The following POLH variants were observed in gnomAD, a reference collection of about 807,000 sequenced individuals.
POLH encodes DNA polymerase eta.
Under a neutral mutation model 73.6 loss-of-function variants are expected in POLH, and 53 were observed. That is an observed-to-expected ratio of 0.72 (90% CI 0.58 to 0.91). The LOEUF (loss-of-function observed/expected upper bound fraction) is 0.91. Ranked by LOEUF, POLH falls within the 40% of genes least tolerant of loss-of-function variation. The pLI is 0.00. For synonymous variants in POLH, 292 were observed against 308.5 expected (o/e 0.95, Z 0.56); for missense variants, 768 against 865.4 (o/e 0.89, Z 1.41).
intron 9 of POLH, among the ~76,000 whole-genome samples, chr6:43,609,209 C>G (rs965611011): frequency 6.6e-6 from 1 of 152,114 alleles, no homozygotes; most frequent in Admixed American, 6.6e-5. Flanking sequence ...TGTTACATGT[C>G]TATTTTTTAT....
intron 4 of POLH, among the ~76,000 whole-genome samples, chr6:43,593,937 T>C (rs1765763211): frequency 6.6e-6 from 1 of 150,990 alleles, no homozygotes; most frequent in Non-Finnish European, 1.5e-5. Flanking sequence ...TTCATGGGCA[T>C]TTAACACCAG....
Position 43,614,183 on chromosome 6 carries a change from G to C in POLH, c.1768G>C (p.Ala590Pro). Residue 590 changes from alanine to proline, a missense_variant, in exon 11 of 11, where the codon GCA becomes CCA. Ala to Pro is a conservative substitution (Grantham distance 27, BLOSUM62 -1). Coordinates refer to ENST00000372236, the MANE Select transcript of POLH (RefSeq NM_006502.3). ...GVSKLEESSKATPAEMDLAHN... is the reference protein window; with the variant it reads ...GVSKLEESSKPTPAEMDLAHN... Reference sequence around the variant, plus strand: ...GTCGAAGCTAGAAGAATCCTCTAAAGCAACTCCTGCAGAGATGGATTTGGC... The same window carrying C: ...GTCGAAGCTAGAAGAATCCTCTAAACCAACTCCTGCAGAGATGGATTTGGC... 1.2e-6 allele frequency: 2 copies of C among 1,614,068 alleles called. No homozygotes were observed. The highest frequency in any genetic ancestry group is 4.5e-5 in the East Asian group (2 of 44,888).
chr6:43,602,414 T>C (rs2127801628), intron 6 of POLH, among the ~76,000 whole-genome samples: 1 of 152,278 alleles, frequency 6.6e-6, no homozygotes, highest in Middle Eastern at 3.4e-3. Context: ...GAAGGGAGTA[T>C]TTGGAGATGG....
intron 1 of POLH, among the ~76,000 whole-genome samples, chr6:43,580,934 C>CGG (rs1367027464): frequency 7.6e-6 from 1 of 131,908 alleles, no homozygotes; most frequent in Non-Finnish European, 1.7e-5. Context: ...GCTGGCCAGG[C>CGG]GGGGGGCTGA....
At chr6:43,578,785 C>G (rs1222049673) in intron 1 of POLH, among the ~76,000 whole-genome samples, 3 of 151,858 alleles carry the variant, frequency 2.0e-5, no homozygotes, top group African/African-American at 2.4e-5. Flanking sequence ...ATATTATTTT[C>G]TCCTTCTCTT....
At chr6:43,590,287 G>A (rs1193005596) in intron 4 of POLH, among the ~76,000 whole-genome samples, 1 of 151,748 alleles carries the variant, frequency 6.6e-6, no homozygotes, top group African/African-American at 2.4e-5. Flanking sequence ...AAACCCGGAA[G>A]GAGGAGGATG....
chr6:43,599,012 GGAGT>G lies in POLH; in HGVS notation c.660+1148_660+1151del, dbSNP rs746544809. 6.3e-5 allele frequency among the ~76,000 whole-genome samples: 7 copies of G among 111,442 alleles called. No homozygotes were observed. The East Asian group carries it at 1.1e-3, about 18-fold the overall frequency. The allele number at this position is 111,442 out of a possible 152,430, so 73.1% of individuals were successfully genotyped here. On this transcript the variant is annotated intron_variant, in intron 5 of 10. Transcript: ENST00000372236. The stretch of plus-strand genomic sequence containing the variant: ...TTTTTTTTTTTTTTTTTTTTGAGAT[GGAGT>G]CTCGCCCTGTTGCCCAGGCTGGAGT...
At chr6:43,599,637 GTTT>G (rs931325176) in intron 5 of POLH, among the ~76,000 whole-genome samples, 1 of 143,770 alleles carries the variant, frequency 7.0e-6, no homozygotes, top group Admixed American at 6.9e-5. Flanking sequence ...TTTTTTTGGT[GTTT>G]TTTTTTTTCC....
At chr6:43,589,377 TCAA>T (rs1434842256) in intron 4 of POLH, among the ~76,000 whole-genome samples, 6 of 152,332 alleles carry the variant, frequency 3.9e-5, no homozygotes, top group Non-Finnish European at 7.3e-5. Flanking sequence ...CCCCATATTC[TCAA>T]CAACAACTGG....
At position 43,614,384 on chromosome 6, in the gene POLH, T is replaced by C. The variant is rs775147436; in HGVS notation, c.1969T>C (p.Leu657=). 15 of 1,614,046 alleles carry C rather than the reference T, an allele frequency of 9.3e-6. No individual in the cohort carries two copies. Among genetic ancestry groups the C allele is most frequent in the East Asian group, 2.2e-5 (1 of 44,892 alleles). ...MPEHMDYHFA[L]ELQKSFLQPH... ...AGAACACATGGACTATCATTTTGCA[T>C]TGGAGTTGCAGAAATCCTTTTTGCA... Residue 657 remains leucine (L), a synonymous_variant, in exon 11 of 11, where the codon TTG becomes CTG. Transcript: ENST00000372236.
chr6:43,595,523 G>A (rs982210783), intron 4 of POLH, among the ~76,000 whole-genome samples: 39 of 152,168 alleles, frequency 2.6e-4, no homozygotes, highest in African/African-American at 4.6e-4. Flanking sequence ...CAAGGCAGGC[G>A]GATCACGAGG....
chr6:43,618,165 A>AT lies in POLH; in HGVS notation c.*3617dup, dbSNP rs888019165. ...ATGTTTATACTACTGTATTATTATTATTTTTTTTTGAGATGGAGTCTCGCT... is the reference window on the plus strand; with the variant it reads ...ATGTTTATACTACTGTATTATTATTATTTTTTTTTTGAGATGGAGTCTCGCT... On this transcript the variant is annotated 3_prime_UTR_variant, in exon 11 of 11. Transcript: ENST00000372236. Among the ~76,000 whole-genome samples the AT allele has an allele frequency of 9.9e-5, 15 of 150,784 alleles. No individual in the cohort carries two copies. Among genetic ancestry groups the AT allele is most frequent in the East Asian group, 3.9e-4 (2 of 5,132 alleles).
chr6:43,593,650 G>A (rs978793585), intron 4 of POLH, among the ~76,000 whole-genome samples: 3 of 152,098 alleles, frequency 2.0e-5, no homozygotes, highest in Admixed American at 6.6e-5. Flanking sequence ...GAGAGGCCAG[G>A]GTGAGCGAAT....
Position 43,616,647 on chromosome 6 carries a change from T to G in POLH, c.*2090T>G, listed in dbSNP as rs1768369875. 6.6e-6 allele frequency among the ~76,000 whole-genome samples: 1 copy of G among 151,322 alleles called. No homozygotes were observed. The highest frequency in any genetic ancestry group is 2.1e-4 in the South Asian group (1 of 4,814). ...GCTCTGTGACGGGCAGTTCAGATAATACCTTCACCAGATTTACCTGTTTTC... is the reference window on the plus strand; with the variant it reads ...GCTCTGTGACGGGCAGTTCAGATAAGACCTTCACCAGATTTACCTGTTTTC... On this transcript the variant is annotated 3_prime_UTR_variant, in exon 11 of 11. Coordinates refer to ENST00000372236, the MANE Select transcript of POLH (RefSeq NM_006502.3).
At chr6:43,586,341 C>T (rs543976790) in intron 3 of POLH, among the ~76,000 whole-genome samples, 28 of 152,044 alleles carry the variant, frequency 1.8e-4, no homozygotes, top group Non-Finnish European at 3.2e-4. Flanking sequence ...ATTCACCAGG[C>T]GTGGTGGCAG....
intron 9 of POLH, among the ~76,000 whole-genome samples, chr6:43,609,933 A>G (rs1277083688): frequency 1.3e-5 from 2 of 152,156 alleles, no homozygotes; most frequent in East Asian, 3.8e-4. Context: ...CCGATGTTCC[A>G]TAATCCAAAT....
chr6:43,613,629 T>C (rs374466851), intron 10 of POLH, 31 bp from the exon 11 acceptor site: 1 of 1,560,584 alleles, frequency 6.4e-7, no homozygotes, highest in Non-Finnish European at 8.8e-7. Context: ...TCTAAATTGC[T>C]AATCATCTTA....
intron 8 of POLH, 134 bp downstream of exon 8, chr6:43,604,872 G>A (rs1273075080): frequency 1.1e-6 from 1 of 911,148 alleles, no homozygotes. Context: ...CTGTCCTTGG[G>A]TTGAAAATTG....
chr6:43,583,170 A>G (rs765282084), intron 3 of POLH, 29 bp downstream of exon 3: 5 of 1,607,744 alleles, frequency 3.1e-6, no homozygotes, highest in South Asian at 1.1e-5. Flanking sequence ...TTAAGGAGAC[A>G]TAAAGGAGTC....
Sources: gnomAD v4.1 joint callset for allele counts (sites outside exome capture counted in the v4.1 genomes callset) on GRCh38, gnomAD v4.1.1 for gene constraint, MANE v1.5 for transcripts, NCBI Gene and HGNC (gene_info 2026-07-23, HGNC 2026-07-21) for gene names.